The following PCDHA2 variants were observed in gnomAD, a reference collection of about 807,000 sequenced individuals.
PCDHA2 encodes the protein protocadherin alpha 2, also known as protocadherin alpha-2.
PCDHA2 carries 58 observed loss-of-function variants against 66.0 expected under a neutral mutation model. The observed-to-expected ratio is 0.88, with a 90% confidence interval of 0.71 to 1.09. The LOEUF (loss-of-function observed/expected upper bound fraction) is 1.09. Among genes scored for constraint, PCDHA2 ranks in the 50% least tolerant of loss-of-function variants. The pLI, the probability that PCDHA2 is intolerant of heterozygous loss-of-function variation, is 0.00. For missense variants in PCDHA2, 1,267 were observed against 1,242.3 expected, an observed-to-expected ratio of 1.02 and a Z score of -0.30; for synonymous variants, 634 against 554.0, an observed-to-expected ratio of 1.14 and a Z score of -2.03.
At chr5:140,835,920 G>C (rs2150248409) in intron 1 of PCDHA2, 2 of 1,612,396 alleles carry the variant, frequency 1.2e-6, no homozygotes, top group Non-Finnish European at 1.7e-6. Flanking sequence ...AGTGCACGCG[G>C]AGAGCGGCAA....
chr5:140,801,905 C>G (rs1389986057), intron 1 of PCDHA2: 1 of 1,614,020 alleles, frequency 6.2e-7, no homozygotes, highest in Non-Finnish European at 8.5e-7. Context: ...TAGATGTAAA[C>G]GACAACGCCC....
chr5:140,847,939 G>A (rs2150405310), intron 1 of PCDHA2: 7 of 151,270 alleles, frequency 4.6e-5, no homozygotes, highest in African/African-American at 1.7e-4. Flanking sequence ...TGCAACTCCT[G>A]GATTTCTCTT....
intron 1 of PCDHA2, chr5:140,847,362 C>T (rs1444226307): frequency 6.7e-6 from 1 of 149,420 alleles, no homozygotes; most frequent in Non-Finnish European, 1.5e-5. Context: ...AGTAGAAATA[C>T]GAAATAAAAG....
intron 1 of PCDHA2, chr5:140,853,946 G>A (rs2042919136): frequency 1.2e-6 from 1 of 805,184 alleles, no homozygotes; most frequent in Non-Finnish European, 1.5e-6. Flanking sequence ...AGGTGGGAGG[G>A]TCCCTTCCTT....
chr5:140,796,552 C>T lies in PCDHA2; in HGVS notation c.1588C>T (p.Leu530=), dbSNP rs1275067211. ...GCCGCTGGACCACGAGGAAGTGGAGCTGCTGCAGTTCCAGGTGAGCGCGCG... is the reference window on the plus strand; with the variant it reads ...GCCGCTGGACCACGAGGAAGTGGAGTTGCTGCAGTTCCAGGTGAGCGCGCG... ...LQPLDHEEVE[L]LQFQVSARDA... Residue 530 remains leucine, a synonymous_variant, in exon 1 of 4, where the codon CTG becomes TTG. Coordinates refer to ENST00000526136, the MANE Select transcript of PCDHA2 (RefSeq NM_018905.3). 3 of 1,613,104 alleles carry T rather than the reference C, an allele frequency of 1.9e-6. No homozygotes were observed. Among genetic ancestry groups the T allele is most frequent in the South Asian group, 2.2e-5 (2 of 91,042 alleles).
At chr5:140,951,420 T>G (rs1212893926) in intron 1 of PCDHA2, among the ~76,000 whole-genome samples, 3 of 151,992 alleles carry the variant, frequency 2.0e-5, no homozygotes, top group African/African-American at 7.2e-5. Flanking sequence ...TGGCTCACAG[T>G]TCCACAGGCT....
Position 140,856,604 on chromosome 5 carries a change from GA to G in PCDHA2, c.2388+59253del, listed in dbSNP as rs782310012. On this transcript the variant is annotated intron_variant, in intron 1 of 3. Transcript: ENST00000526136. ...TGTTCTTGATATTATAAACAAAAAA[GA>G]CAAAGACAAATTCCCAGTGCTTGTT... 3.6e-5 allele frequency: 57 copies of G among 1,597,724 alleles called. 2 individuals are homozygous for G. In the African/African-American group the frequency reaches 6.7e-4, roughly 19 times the overall value.
At chr5:140,889,733 A>T (rs192682337) in intron 1 of PCDHA2, among the ~76,000 whole-genome samples, 1 of 152,316 alleles carries the variant, frequency 6.6e-6, no homozygotes, top group Admixed American at 6.5e-5. Context: ...CTCACTGAGT[A>T]GCAGAGTCTA....
chr5:140,904,584 A>T (rs1434719463), intron 1 of PCDHA2, among the ~76,000 whole-genome samples: 1 of 152,088 alleles, frequency 6.6e-6, no homozygotes, highest in African/African-American at 2.4e-5. Context: ...GACACCCAGT[A>T]GTGGGACTGC....
intron 1 of PCDHA2, chr5:140,926,592 C>T: frequency 3.3e-6 from 1 of 298,858 alleles, no homozygotes; most frequent in Non-Finnish European, 6.1e-6. Flanking sequence ...CGCGCCCGGG[C>T]GGGCGGCCTC....
intron 1 of PCDHA2, chr5:140,825,415 AAT>A (rs2150139433): frequency 1.7e-4 from 25 of 146,774 alleles, no homozygotes; most frequent in African/African-American, 4.7e-4. Flanking sequence ...TATTTTATAT[AAT>A]ATATATAATA....
intron 1 of PCDHA2, among the ~76,000 whole-genome samples, chr5:140,945,813 C>G (rs10477097): frequency 1.1e-4 from 16 of 152,202 alleles, no homozygotes; most frequent in African/African-American, 3.6e-4. Context: ...TTATCTCACA[C>G]TGTATACAAA....
chr5:140,848,205 T>C (rs1781374439), intron 1 of PCDHA2: 1 of 336,638 alleles, frequency 3.0e-6, no homozygotes, highest in Non-Finnish European at 5.4e-6. Flanking sequence ...CAACAATCAT[T>C]ACTTAAGAAA....
Position 140,848,448 on chromosome 5 carries a change from T to G in PCDHA2, c.2388+51096T>G, listed in dbSNP as rs2150410519. 45 of 1,511,666 alleles carry G rather than the reference T, an allele frequency of 3.0e-5. 2 individuals carry two copies. The highest frequency in any genetic ancestry group is 3.9e-5 in the Non-Finnish European group (43 of 1,111,010). 93.6% of individuals were successfully genotyped at this position (1,511,666 alleles called of 1,614,324 possible). The stretch of plus-strand genomic sequence containing the variant: ...ACTGACGAAATCAGATGATTTCTTC[T>G]AATTTGGAGGCAATTTTCACTAATT... On this transcript the variant is annotated intron_variant, in intron 1 of 3. Transcript: ENST00000526136.
intron 1 of PCDHA2, among the ~76,000 whole-genome samples, chr5:140,904,951 T>C (rs1468765932): frequency 6.6e-6 from 1 of 152,188 alleles, no homozygotes; most frequent in Non-Finnish European, 1.5e-5. Context: ...GTCCTTTGTC[T>C]GATGCAGAAT....
At chr5:140,828,787 G>C in intron 1 of PCDHA2, 3 of 1,614,216 alleles carry the variant, frequency 1.9e-6, no homozygotes, top group African/African-American at 1.3e-5. Flanking sequence ...TGGTCACAGT[G>C]CTGGATGTGA....
chr5:140,809,746 C>T (rs546694541), intron 1 of PCDHA2: 347 of 665,552 alleles, frequency 5.2e-4, no homozygotes, highest in Middle Eastern at 8.3e-4. Flanking sequence ...TATATATTGC[C>T]TTCCTTCATT....
intron 1 of PCDHA2, among the ~76,000 whole-genome samples, chr5:140,972,015 G>A (rs782728118): frequency 2.6e-5 from 4 of 152,004 alleles, no homozygotes; most frequent in Admixed American, 6.5e-5. Context: ...CCTTTTATAT[G>A]GGATATTCAG....
chr5:140,840,468 A>G (rs2150307012), intron 1 of PCDHA2, among the ~76,000 whole-genome samples: 2 of 151,992 alleles, frequency 1.3e-5, no homozygotes, highest in Non-Finnish European at 2.9e-5. Context: ...AAGTTGGGGA[A>G]AAAAGTTTAA....
Sources: gnomAD v4.1 joint callset for allele counts (sites outside exome capture counted in the v4.1 genomes callset) on GRCh38, gnomAD v4.1.1 for gene constraint, MANE v1.5 for transcripts, NCBI Gene and HGNC (gene_info 2026-07-23, HGNC 2026-07-21) for gene names.